Variants in SYPL1 observed in about 807,000 individuals in gnomAD.
The protein encoded by SYPL1 is synaptophysin like 1.
A neutral mutation model predicts 23.7 loss-of-function variants in SYPL1; 6 were observed. The observed-to-expected ratio is 0.25, with a 90% CI of 0.14 to 0.50. The LOEUF (loss-of-function observed/expected upper bound fraction) is 0.50, where lower values mean the gene tolerates loss of function less well. Among genes scored for constraint, SYPL1 ranks in the 20% least tolerant of loss-of-function variants. SYPL1 has a pLI of 0.98. For missense variants in SYPL1, 253 were observed against 288.9 expected (o/e 0.88, Z 0.90); for synonymous variants, 102 against 104.5 (o/e 0.98, Z 0.15).
chr7:106,106,043 C>G (rs984760661), intron 1 of SYPL1, among the ~76,000 whole-genome samples: 5 of 152,144 alleles, frequency 3.3e-5, no homozygotes, highest in African/African-American at 1.2e-4. Context: ...AAGGTAAAAA[C>G]AGACTACTTA....
At chr7:106,112,118 G>A (rs777104924) in intron 1 of SYPL1, 22 bp downstream of exon 1, 2 of 1,442,750 alleles carry the variant, frequency 1.4e-6, no homozygotes, top group East Asian at 2.9e-5. Context: ...AGGCGGGCCT[G>A]GCCGGCGCGG....
chr7:106,102,597 G>A (rs1322782163), intron 1 of SYPL1, among the ~76,000 whole-genome samples: 1 of 152,110 alleles, frequency 6.6e-6, no homozygotes, highest in Non-Finnish European at 1.5e-5. Context: ...ATAAGCTGGA[G>A]GCCTTGAGAT....
Position 106,094,820 on chromosome 7 carries a change from G to T in SYPL1, c.403-1683C>A, listed in dbSNP as rs1839936496. Among the ~76,000 whole-genome samples the T allele has an allele frequency of 1.3e-5, 2 of 151,560 alleles. 1 individual carries two copies. Among genetic ancestry groups the T allele is most frequent in the Admixed American group, 1.3e-4 (2 of 15,204 alleles). ...GTTATACTCTTAAATCCACTTTGAT[G>T]GCTTGAGGCCATTCTTATATTTCAA... On this transcript the variant is annotated intron_variant, in intron 3 of 4. Coordinates refer to ENST00000455385, the MANE Select transcript of SYPL1 (RefSeq NM_182715.4).
Position 106,101,605 on chromosome 7 carries a change from T to G in SYPL1, c.70-2323A>C, listed in dbSNP as rs377573793. Among the ~76,000 whole-genome samples, 3 of 152,050 alleles carry G rather than the reference T, an allele frequency of 2.0e-5. No individual in the cohort carries two copies. In the South Asian group the frequency reaches 6.2e-4, roughly 32 times the overall value. ...ATTTCAAAATATGTAAAAGTAACTT[T>G]CCTTGGAAAATGTGTCATGAAATCA... On this transcript the variant is annotated intron_variant, in intron 1 of 4. Transcript: ENST00000455385.
intron 1 of SYPL1, among the ~76,000 whole-genome samples, chr7:106,111,024 G>A (rs937982400): frequency 1.3e-5 from 2 of 152,174 alleles, no homozygotes; most frequent in Non-Finnish European, 2.9e-5. Flanking sequence ...CGTCTTTCAA[G>A]TAGTCATTTG....
chr7:106,101,453 C>T, intron 1 of SYPL1, among the ~76,000 whole-genome samples: 5 of 3,366 alleles, frequency 1.5e-3, no homozygotes, highest in African/African-American at 2.0e-3. Flanking sequence ...CCCCCCCCCC[C>T]CCCCCCCCCC....
At chr7:106,112,366 G>A (rs1790216357), upstream of SYPL1, 2 of 1,287,736 alleles carry the variant, frequency 1.6e-6, no homozygotes, top group Non-Finnish European at 2.0e-6. Flanking sequence ...GCGGGGCGGA[G>A]CGGCGGCGGT....
In SYPL1 at chr7:106,097,830, C is replaced by T. The variant is rs148959470; in HGVS notation, c.262G>A (p.Val88Ile). The change falls in exon 3 of 5, where the codon GTC becomes ATC. Residue 88 changes from valine to isoleucine, a missense_variant. Physicochemically the swap from Val to Ile is conservative, Grantham distance 29. Coordinates refer to ENST00000455385, the MANE Select transcript of SYPL1 (RefSeq NM_182715.4). The surrounding 1 kb of genome is among the most constrained non-coding windows in gnomAD (Gnocchi z 4.6). ...NICDVNWKDYVLIGDYSSSAQ... is the reference protein window; with the variant it reads ...NICDVNWKDYILIGDYSSSAQ... ...GAAGAAGAGTAATCGCCTATGAGGA[C>T]GTAATCTTTCCAATTTACATCACAT... 291 of 1,613,846 alleles carry T rather than the reference C, an allele frequency of 1.8e-4. 1 individual carries two copies. Among genetic ancestry groups the T allele is most frequent in the African/African-American group, 8.0e-5 (6 of 74,918 alleles).
chr7:106,111,125 T>C (rs1790122278), intron 1 of SYPL1, among the ~76,000 whole-genome samples: 2 of 152,230 alleles, frequency 1.3e-5, no homozygotes, highest in South Asian at 4.1e-4. Context: ...GTTACAATGG[T>C]CCAAGTAGGA....
At position 106,100,769 on chromosome 7, in the gene SYPL1, C is replaced by T. The variant is rs1840269082; in HGVS notation, c.70-1487G>A. On this transcript the variant is annotated intron_variant, in intron 1 of 4. Transcript: ENST00000455385. The surrounding 1 kb of genome is among the most constrained non-coding windows in gnomAD (Gnocchi z 5.1). Reference sequence around the variant, plus strand: ...CTTCAGTCTGTTATCAACACAACAGCCAAGACAATCTTTTAAAAATGTAAG... The same window carrying T: ...CTTCAGTCTGTTATCAACACAACAGTCAAGACAATCTTTTAAAAATGTAAG... Among the ~76,000 whole-genome samples the T allele has an allele frequency of 6.6e-6, 1 of 152,172 alleles. No individual in the cohort carries two copies. Among genetic ancestry groups the T allele is most frequent in the South Asian group, 2.1e-4 (1 of 4,828 alleles).
rs1005686460 is a variant in SYPL1, at chr7:106,104,441, A to G, written c.70-5159T>C. ...AATTTCCTAATATAACAAGTAGCAAATAAATGGCATACTGCACTACAGCTT... is the reference window on the plus strand; with the variant it reads ...AATTTCCTAATATAACAAGTAGCAAGTAAATGGCATACTGCACTACAGCTT... On this transcript the variant is annotated intron_variant, in intron 1 of 4. Transcript: ENST00000455385. This position sits in a 1 kb window ranked among gnomAD's most constrained non-coding sequence, Gnocchi z 4.1. Among the ~76,000 whole-genome samples the G allele has an allele frequency of 1.2e-4, 18 of 152,198 alleles. No homozygotes were observed. Among genetic ancestry groups the G allele is most frequent in the African/African-American group, 4.3e-4 (18 of 41,454 alleles).
rs200480406 is a variant in SYPL1, at chr7:106,104,437, G to C, written c.70-5155C>G. Reference sequence around the variant, plus strand: ...AATGAATTTCCTAATATAACAAGTAGCAAATAAATGGCATACTGCACTACA... The same window carrying C: ...AATGAATTTCCTAATATAACAAGTACCAAATAAATGGCATACTGCACTACA... On this transcript the variant is annotated intron_variant, in intron 1 of 4. Coordinates refer to ENST00000455385, the MANE Select transcript of SYPL1 (RefSeq NM_182715.4). The surrounding 1 kb of genome is among the most constrained non-coding windows in gnomAD (Gnocchi z 4.1). 7.9e-5 allele frequency among the ~76,000 whole-genome samples: 12 copies of C among 152,114 alleles called. No individual in the cohort carries two copies. The East Asian group carries it at 2.3e-3, about 29-fold the overall frequency.
At position 106,112,237 on chromosome 7, in the gene SYPL1, A is replaced by G. The variant is rs373409803; in HGVS notation, c.-29T>C. On this transcript the variant is annotated 5_prime_UTR_variant, in exon 1 of 5. Coordinates refer to ENST00000455385, the MANE Select transcript of SYPL1 (RefSeq NM_182715.4). The stretch of plus-strand genomic sequence containing the variant: ...CTGAGGAAAGGAGGGAGAGAGAGTC[A>G]GGACGACGGGGCGGAGGAGGGGACC... 6.6e-7 allele frequency: 1 copy of G among 1,524,094 alleles called. No individual in the cohort carries two copies. The highest frequency in any genetic ancestry group is 8.9e-7 in the Non-Finnish European group (1 of 1,126,424). 94.4% of individuals were successfully genotyped at this position (1,524,094 alleles called of 1,614,324 possible). A position where few individuals can be genotyped will look rare whatever the true frequency, so the allele number is the denominator to read the frequency against.
chr7:106,106,073 G>A (rs1840581198), intron 1 of SYPL1, among the ~76,000 whole-genome samples: 1 of 152,084 alleles, frequency 6.6e-6, no homozygotes, highest in Admixed American at 6.5e-5. Flanking sequence ...CAAGACGGTG[G>A]CACAACAATA....
rs1385085304 is a variant in SYPL1, at chr7:106,100,260, T to C, written c.70-978A>G. Among the ~76,000 whole-genome samples the C allele has an allele frequency of 6.6e-6, 1 of 152,170 alleles. No homozygotes were observed. The highest frequency in any genetic ancestry group is 1.5e-5 in the Non-Finnish European group (1 of 68,020). ...ATGAATGGTGTTCTCTCAAATACCATCTAAAACACAAAAAACCTAGAAGCA... is the reference window on the plus strand; with the variant it reads ...ATGAATGGTGTTCTCTCAAATACCACCTAAAACACAAAAAACCTAGAAGCA... On this transcript the variant is annotated intron_variant, in intron 1 of 4. Transcript: ENST00000455385. The surrounding 1 kb of genome is among the most constrained non-coding windows in gnomAD (Gnocchi z 5.1).
intron 1 of SYPL1, among the ~76,000 whole-genome samples, chr7:106,107,570 C>T (rs149870858): frequency 1.4e-4 from 22 of 151,936 alleles, no homozygotes; most frequent in Non-Finnish European, 2.8e-4. Flanking sequence ...GGTGAAACCC[C>T]GTCTCTACTA....
In SYPL1 at chr7:106,100,165, T is replaced by C. The variant is rs1840239638; in HGVS notation, c.70-883A>G. 6.6e-6 allele frequency among the ~76,000 whole-genome samples: 1 copy of C among 152,204 alleles called. No homozygotes were observed. The highest frequency in any genetic ancestry group is 2.4e-5 in the African/African-American group (1 of 41,462). ...ATTTCATGAGCCTGTTAAACCTCCC[T>C]TGTGGGTATTTCCAGGTCTCAAAAA... is the stretch of plus-strand genomic sequence containing the variant. On this transcript the variant is annotated intron_variant, in intron 1 of 4. Coordinates refer to ENST00000455385, the MANE Select transcript of SYPL1 (RefSeq NM_182715.4). The surrounding 1 kb of genome is among the most constrained non-coding windows in gnomAD (Gnocchi z 5.1).
rs1159566928 is a variant in SYPL1, at chr7:106,104,735, G to A, written c.70-5453C>T. Among the ~76,000 whole-genome samples, 6 of 152,142 alleles carry A rather than the reference G, an allele frequency of 3.9e-5. No individual in the cohort carries two copies. ...AATTCTGGTCTTTATCTTATAGAAAGAAGGGACAAAAGCACATATTTTATA... is the reference window on the plus strand; with the variant it reads ...AATTCTGGTCTTTATCTTATAGAAAAAAGGGACAAAAGCACATATTTTATA... On this transcript the variant is annotated intron_variant, in intron 1 of 4. Transcript: ENST00000455385. The surrounding 1 kb of genome is among the most constrained non-coding windows in gnomAD (Gnocchi z 4.1).
intron 1 of SYPL1, among the ~76,000 whole-genome samples, chr7:106,107,598 C>T (rs996198883): frequency 8.6e-5 from 13 of 151,602 alleles, no homozygotes; most frequent in South Asian, 2.1e-4. Context: ...AAAAATTAGC[C>T]GGGCAAGGTG....
Sources: gnomAD v4.1 joint callset for allele counts (sites outside exome capture counted in the v4.1 genomes callset) on GRCh38, gnomAD v4.1.1 for gene constraint, Gnocchi (gnomAD v3.1) non-coding constraint, MANE v1.5 for transcripts, NCBI Gene and HGNC (gene_info 2026-07-23, HGNC 2026-07-21) for gene names.